Variants in BLOC1S6 observed in about 807,000 individuals in gnomAD.
The protein encoded by BLOC1S6 is biogenesis of lysosome-related organelles complex 1 subunit 6.
In BLOC1S6, 24 loss-of-function variants were observed where a neutral mutation model predicts 24.7. The ratio of observed to expected loss-of-function variants is 0.97; its 90% CI spans 0.70 to 1.37. The LOEUF (loss-of-function observed/expected upper bound fraction) is 1.37. BLOC1S6 is among the 40% of genes most tolerant of loss of function. The probability of loss-of-function intolerance (pLI) is 0.00; values close to 1 mark genes in which losing one functional copy is unlikely to be tolerated. For missense variants in BLOC1S6, 175 were observed against 196.2 expected, an observed-to-expected ratio of 0.89 and a Z score of 0.64; for synonymous variants, 76 against 72.6, an observed-to-expected ratio of 1.05 and a Z score of -0.23.
rs537814293 is a variant in BLOC1S6 at position 45,587,409 on chromosome 15, G to C, written c.-35G>C. The stretch of plus-strand genomic sequence containing the variant: ...CCGCCTTGCTTCTGACGAGCCACAC[G>C]TTTGCTTCTTCCCTGTGTTCCCAGC... On this transcript the variant is annotated 5_prime_UTR_variant, in exon 1 of 5. Transcript: ENST00000220531. 1 of 1,545,926 alleles carries C rather than the reference G, an allele frequency of 6.5e-7. No homozygotes were observed. The highest frequency in any genetic ancestry group is 8.8e-7 in the Non-Finnish European group (1 of 1,139,782).
intron 1 of BLOC1S6, among the ~76,000 whole-genome samples, chr15:45,590,980 T>G (rs1001256800): frequency 2.0e-5 from 3 of 152,178 alleles, no homozygotes; most frequent in African/African-American, 7.2e-5. Flanking sequence ...ATTTAGAAAT[T>G]GTATTTTTCT....
intron 2 of BLOC1S6, among the ~76,000 whole-genome samples, chr15:45,595,804 T>C (rs1313343460): frequency 6.6e-6 from 1 of 152,130 alleles, no homozygotes; most frequent in African/African-American, 2.4e-5. Context: ...TTATTTTGAG[T>C]TAATTTTGTT....
At chr15:45,603,445 C>T (rs1008419717) in intron 3 of BLOC1S6, among the ~76,000 whole-genome samples, 6 of 152,212 alleles carry the variant, frequency 3.9e-5, no homozygotes, top group African/African-American at 1.4e-4. Context: ...CATAGTGGCT[C>T]ATACCTGTAA....
chr15:45,593,875 A>C (rs1425139173), intron 2 of BLOC1S6, among the ~76,000 whole-genome samples: 16 of 152,212 alleles, frequency 1.1e-4, no homozygotes, highest in Admixed American at 1.0e-3. Flanking sequence ...ACAATTGAGG[A>C]AACTGAGGCT....
intron 2 of BLOC1S6, among the ~76,000 whole-genome samples, chr15:45,602,792 TA>T (rs1242492119): frequency 2.0e-5 from 3 of 152,180 alleles, no homozygotes; most frequent in Non-Finnish European, 2.9e-5. Flanking sequence ...CAAAATACTA[TA>T]AAAAACTTCT....
intron 2 of BLOC1S6, among the ~76,000 whole-genome samples, chr15:45,602,837 A>G (rs1894317355): frequency 6.6e-6 from 1 of 152,242 alleles, no homozygotes; most frequent in Non-Finnish European, 1.5e-5. Flanking sequence ...GTTAAAAGTA[A>G]CAAGTAATAA....
chr15:45,590,051 A>G (rs1292902148), intron 1 of BLOC1S6, among the ~76,000 whole-genome samples: 1 of 152,182 alleles, frequency 6.6e-6, no homozygotes, highest in African/African-American at 2.4e-5. Flanking sequence ...ATATTTATTA[A>G]TACTTAAAGT....
chr15:45,604,814 T>A (rs116635085), intron 3 of BLOC1S6, among the ~76,000 whole-genome samples: 1,994 of 152,334 alleles, frequency 0.013, 44 homozygotes, highest in African/African-American at 0.046. Flanking sequence ...TCCTCCCATC[T>A]TCTCCTGACA....
At chr15:45,588,869 T>A (rs1173831943) in intron 1 of BLOC1S6, among the ~76,000 whole-genome samples, 1 of 152,206 alleles carries the variant, frequency 6.6e-6, no homozygotes, top group East Asian at 1.9e-4. Flanking sequence ...ATTGCATCCA[T>A]TCCACTCCTG....
intron 3 of BLOC1S6, among the ~76,000 whole-genome samples, chr15:45,603,748 G>T (rs529500376): frequency 6.6e-6 from 1 of 152,170 alleles, no homozygotes; most frequent in South Asian, 2.1e-4. Context: ...CGAACTGGAA[G>T]TAATGAACCT....
chr15:45,603,798 TC>T (rs1349929301), intron 3 of BLOC1S6, among the ~76,000 whole-genome samples: 1 of 152,126 alleles, frequency 6.6e-6, no homozygotes, highest in Admixed American at 6.6e-5. Flanking sequence ...AAAGTGCATT[TC>T]TCTTTACCAA....
At chr15:45,601,190 A>G (rs910551199) in intron 2 of BLOC1S6, 1 of 154,430 alleles carries the variant, frequency 6.5e-6, no homozygotes, top group Non-Finnish European at 1.5e-5. Flanking sequence ...CTCTCTTTCA[A>G]AATATCTTAT....
chr15:45,601,867 GTTATTTAT>G (rs138580678), intron 2 of BLOC1S6, among the ~76,000 whole-genome samples: 3 of 151,576 alleles, frequency 2.0e-5, no homozygotes, highest in South Asian at 2.1e-4. Flanking sequence ...GAGGGACAAA[GTTATTTAT>G]TTATTTATTT....
intron 2 of BLOC1S6, among the ~76,000 whole-genome samples, chr15:45,599,874 A>G (rs1894207889): frequency 7.1e-6 from 1 of 140,666 alleles, no homozygotes; most frequent in Non-Finnish European, 1.5e-5. Flanking sequence ...ATAAAGACAC[A>G]TGCACATGTA....
At chr15:45,600,449 A>T (rs1894234068) in intron 2 of BLOC1S6, among the ~76,000 whole-genome samples, 1 of 152,134 alleles carries the variant, frequency 6.6e-6, no homozygotes, top group Admixed American at 6.6e-5. Context: ...TTTTCAAGGT[A>T]TTCCTTATTA....
chr15:45,587,188 G>A (rs566049472), upstream of BLOC1S6: 40 of 556,872 alleles, frequency 7.2e-5, 1 homozygote, highest in South Asian at 7.7e-4. Context: ...CGGATCGCAG[G>A]GACTCGAGCC....
intron 2 of BLOC1S6, among the ~76,000 whole-genome samples, chr15:45,597,111 G>A (rs1468608392): frequency 6.6e-6 from 1 of 152,084 alleles, no homozygotes; most frequent in Non-Finnish European, 1.5e-5. Context: ...ATATCTATAC[G>A]ATAACTTGCT....
intron 2 of BLOC1S6, among the ~76,000 whole-genome samples, chr15:45,592,580 T>G (rs1285394412): frequency 6.6e-6 from 1 of 152,194 alleles, no homozygotes; most frequent in Non-Finnish European, 1.5e-5. Flanking sequence ...TGGGGATTGT[T>G]CAGGTGGAGA....
intron 4 of BLOC1S6, 147 bp from the exon 5 acceptor site, chr15:45,606,248 C>A (rs1894454057): frequency 1.7e-6 from 2 of 1,206,716 alleles, no homozygotes; most frequent in Non-Finnish European, 2.3e-6. Context: ...TCAAAGGGAC[C>A]TTAAATTATC....
Sources: allele counts gnomAD v4.1 joint callset (sites outside exome capture counted in the v4.1 genomes callset), GRCh38; gene constraint gnomAD v4.1.1; transcripts MANE v1.5; gene names NCBI Gene and HGNC (gene_info 2026-07-23, HGNC 2026-07-21).